The following INSR variants were observed in gnomAD, a reference collection of about 807,000 sequenced individuals.
The protein encoded by INSR is insulin receptor.
INSR carries 67 observed loss-of-function variants against 142.6 expected under a neutral mutation model. The ratio of observed to expected loss-of-function variants is 0.47; its 90% CI spans 0.39 to 0.58. The LOEUF (loss-of-function observed/expected upper bound fraction) is 0.58, where lower values mean the gene tolerates loss of function less well. Ranked by LOEUF, INSR falls within the 20% of genes least tolerant of loss-of-function variation. The pLI, the probability that INSR is intolerant of heterozygous loss-of-function variation, is 0.00. For missense variants in INSR, 1,248 were observed against 1,833.2 expected (o/e 0.68, Z 5.83); for synonymous variants, 756 against 743.1 (o/e 1.02, Z -0.28).
intron 9 of INSR, among the ~76,000 whole-genome samples, chr19:7,153,520 A>G (rs1395133372): frequency 8.0e-6 from 1 of 124,248 alleles, no homozygotes; most frequent in Non-Finnish European, 1.9e-5. Context: ...GGGCCTTCTC[A>G]GAGAGGCTGA....
chr19:7,266,478 C>T (rs1248722047), intron 2 of INSR, among the ~76,000 whole-genome samples: 6 of 151,948 alleles, frequency 3.9e-5, no homozygotes, highest in African/African-American at 7.2e-5. Context: ...CTCCGCCTCC[C>T]GGGTTCAAGT....
intron 1 of INSR, among the ~76,000 whole-genome samples, chr19:7,280,507 C>A (rs1024323802): frequency 6.6e-6 from 1 of 152,098 alleles, no homozygotes; most frequent in South Asian, 2.1e-4. Context: ...CACCTGAGAT[C>A]AGGAGTTCGA....
chr19:7,290,561 T>C (rs1968463477), intron 1 of INSR, among the ~76,000 whole-genome samples: 1 of 151,342 alleles, frequency 6.6e-6, no homozygotes, highest in Non-Finnish European at 1.5e-5. Flanking sequence ...TCACTTGAGG[T>C]CAGAAGTTTG....
intron 2 of INSR, among the ~76,000 whole-genome samples, chr19:7,221,205 T>G (rs746685991): frequency 6.8e-6 from 1 of 146,968 alleles, no homozygotes; most frequent in Admixed American, 6.9e-5. Context: ...GAGACCCCGT[T>G]TCTACCAAAA....
At chr19:7,259,944 G>A (rs1050274006) in intron 2 of INSR, among the ~76,000 whole-genome samples, 8 of 151,956 alleles carry the variant, frequency 5.3e-5, no homozygotes, top group South Asian at 2.1e-4. Flanking sequence ...GTTTGAGACC[G>A]ACCTGAGCCA....
chr19:7,174,490 C>T, intron 4 of INSR, 93 bp downstream of exon 4: 1 of 1,410,694 alleles, frequency 7.1e-7, no homozygotes, highest in African/African-American at 1.4e-5. Flanking sequence ...TAGGAGCACG[C>T]AGCAGGGTCT....
intron 5 of INSR, among the ~76,000 whole-genome samples, chr19:7,171,207 C>A (rs1424872687): frequency 6.9e-6 from 1 of 144,194 alleles, no homozygotes; most frequent in Non-Finnish European, 1.5e-5. Context: ...GAGAAAGGAG[C>A]CATTGAAGGT....
intron 2 of INSR, among the ~76,000 whole-genome samples, chr19:7,244,952 T>C (rs8102363): frequency 0.16 from 22,991 of 141,796 alleles, 1,986 homozygotes; most frequent in Non-Finnish European, 0.19. Context: ...TTTTTTTTTT[T>C]CAAGATGGAG....
At chr19:7,184,022 G>A (rs1346531194) in intron 3 of INSR, among the ~76,000 whole-genome samples, 1 of 142,268 alleles carries the variant, frequency 7.0e-6, no homozygotes, top group Non-Finnish European at 1.5e-5. Flanking sequence ...TCGTGCCACT[G>A]CACTCCAGCT....
chr19:7,265,659 C>T (rs150347077), intron 2 of INSR, among the ~76,000 whole-genome samples: 53 of 150,948 alleles, frequency 3.5e-4, no homozygotes, highest in African/African-American at 1.2e-3. Context: ...CGCTTGAACC[C>T]GGGAGGCAGA....
chr19:7,153,228 A>ACACACAC (rs1973465288), intron 9 of INSR, among the ~76,000 whole-genome samples: 1 of 1,034 alleles, frequency 9.7e-4, no homozygotes, highest in Non-Finnish European at 3.7e-3. Flanking sequence ...CACACGCACC[A>ACACACAC]CACACACACC....
At chr19:7,279,867 C>G (rs1021650966) in intron 1 of INSR, among the ~76,000 whole-genome samples, 14 of 151,516 alleles carry the variant, frequency 9.2e-5, no homozygotes, top group Admixed American at 1.3e-4. Context: ...CCCAGCTACT[C>G]GGGAGGTTGA....
At chr19:7,270,370 C>CAA (rs1967885493) in intron 1 of INSR, among the ~76,000 whole-genome samples, 1 of 151,588 alleles carries the variant, frequency 6.6e-6, no homozygotes, top group African/African-American at 2.4e-5. Flanking sequence ...CACACACACA[C>CAA]ACACACACAC....
chr19:7,247,873 A>G (rs1376997409), intron 2 of INSR, among the ~76,000 whole-genome samples: 2 of 152,226 alleles, frequency 1.3e-5, no homozygotes, highest in African/African-American at 2.4e-5. Context: ...TATGGTGAGT[A>G]CAACTGAGGG....
At chr19:7,165,487 GA>G (rs1393567289) in intron 8 of INSR, among the ~76,000 whole-genome samples, 6 of 152,134 alleles carry the variant, frequency 3.9e-5, no homozygotes, top group African/African-American at 1.4e-4. Context: ...ATAATAGGAT[GA>G]AAAATATAAA....
chr19:7,150,657 C>A lies in INSR; in HGVS notation c.2232-125G>T. On this transcript the variant is annotated intron_variant, in intron 10 of 21. Transcript: ENST00000302850. This position sits in a 1 kb window ranked among gnomAD's most constrained non-coding sequence, Gnocchi z 4.2. ...ACCCTGGCTTTGACCCTGGACCACT[C>A]GCTCCCATCACTTGCTAGACGGAGT... 1.2e-6 allele frequency: 1 copy of A among 830,608 alleles called. No homozygotes were observed. Among genetic ancestry groups the A allele is most frequent in the Non-Finnish European group, 2.1e-6 (1 of 486,238 alleles). The allele number at this position is 830,608 out of a possible 1,614,324, so 51.5% of individuals were successfully genotyped here.
chr19:7,228,260 G>A (rs1205732354), intron 2 of INSR, among the ~76,000 whole-genome samples: 1 of 152,184 alleles, frequency 6.6e-6, no homozygotes, highest in Non-Finnish European at 1.5e-5. Flanking sequence ...CACTCTGCTG[G>A]AAAATTGAGG....
rs181693326 is a variant in INSR at position 7,134,658 on chromosome 19, G to A, written c.2683-2341C>T. Among the ~76,000 whole-genome samples the A allele has an allele frequency of 2.5e-3, 381 of 151,912 alleles. 2 individuals are homozygous for A. The highest frequency in any genetic ancestry group is 8.8e-3 in the African/African-American group (366 of 41,420). ...TGTGCGCCTGTAATCCCAGCTACTCGAGAGGCTGAGGCAGGAGAATCACTT... is the reference window on the plus strand; with the variant it reads ...TGTGCGCCTGTAATCCCAGCTACTCAAGAGGCTGAGGCAGGAGAATCACTT... On this transcript the variant is annotated intron_variant, in intron 13 of 21. Coordinates refer to ENST00000302850, the MANE Select transcript of INSR (RefSeq NM_000208.4).
At chr19:7,254,778 C>T (rs558787690) in intron 2 of INSR, among the ~76,000 whole-genome samples, 1 of 152,208 alleles carries the variant, frequency 6.6e-6, no homozygotes, top group African/African-American at 2.4e-5. Context: ...GGTGTTCAGT[C>T]ACAAAGAACA....
Sources: gnomAD v4.1 joint callset for allele counts (sites outside exome capture counted in the v4.1 genomes callset) on GRCh38, gnomAD v4.1.1 for gene constraint, Gnocchi (gnomAD v3.1) non-coding constraint, MANE v1.5 for transcripts, NCBI Gene and HGNC (gene_info 2026-07-23, HGNC 2026-07-21) for gene names.